RNF212: variants seen among roughly 807,000 people sequenced by gnomAD.
RNF212 encodes probable E3 SUMO-protein ligase RNF212.
RNF212 carries 33 observed loss-of-function variants against 34.7 expected under a neutral mutation model. That is an observed-to-expected ratio of 0.95 (90% CI 0.72 to 1.27). RNF212 has a LOEUF of 1.27. Among genes scored for constraint, RNF212 ranks in the 50% most tolerant of loss-of-function variants. The pLI is 0.00. For missense variants in RNF212, 377 were observed against 362.2 expected (o/e 1.04, Z -0.33); for synonymous variants, 140 against 136.1 (o/e 1.03, Z -0.20).
chr4:1,110,843 G>A (rs577806226), intron 1 of RNF212, among the ~76,000 whole-genome samples: 8 of 152,204 alleles, frequency 5.3e-5, no homozygotes, highest in Middle Eastern at 6.8e-3. Context: ...GTGTGGTCCC[G>A]ACATGCAGCA....
At chr4:1,101,247 C>A in intron 2 of RNF212, 1 of 328,640 alleles carries the variant, frequency 3.0e-6, no homozygotes, top group South Asian at 3.3e-5. Flanking sequence ...TCTTCCTCTT[C>A]AAGTTATATC....
At chr4:1,104,551 G>A (rs1368765450) in intron 2 of RNF212, among the ~76,000 whole-genome samples, 1 of 152,194 alleles carries the variant, frequency 6.6e-6, no homozygotes, top group Non-Finnish European at 1.5e-5. Flanking sequence ...GAAGGTAGGT[G>A]GGGAGAATGA....
chr4:1,081,667 TC>T lies in RNF212; in HGVS notation c.363-49del, dbSNP rs1184468610. 18 of 1,312,212 alleles carry T rather than the reference TC, an allele frequency of 1.4e-5. No individual in the cohort carries two copies. The Admixed American group carries it at 1.9e-4, about 14-fold the overall frequency. 81.3% of individuals were successfully genotyped at this position (1,312,212 alleles called of 1,614,324 possible). On this transcript the variant is annotated intron_variant, in intron 5 of 9. Transcript: ENST00000433731. Reference sequence around the variant, plus strand: ...TTGAATTAAATCATAAAAACTGACTTCCCCCCAGGTCATCCCAACTGAAAGT... The same window carrying T: ...TTGAATTAAATCATAAAAACTGACTTCCCCCAGGTCATCCCAACTGAAAGT...
At chr4:1,073,313 AC>A in intron 9 of RNF212, 120 bp from the exon 10 acceptor site, 1 of 1,350,510 alleles carries the variant, frequency 7.4e-7, no homozygotes, top group Non-Finnish European at 9.9e-7. Flanking sequence ...AAAGCCAATT[AC>A]CAGGAAGCAA....
chr4:1,099,956 A>G (rs1322568047), intron 2 of RNF212: 1 of 443,730 alleles, frequency 2.3e-6, no homozygotes, highest in African/African-American at 2.0e-5. Flanking sequence ...ATCATCATGG[A>G]GGCTGATGCA....
chr4:1,061,413 G>A (rs910975516), intron 3 of RNF212, among the ~76,000 whole-genome samples: 1 of 152,196 alleles, frequency 6.6e-6, no homozygotes, highest in Admixed American at 6.5e-5. Flanking sequence ...GCAGGGACCA[G>A]TCAGAAAAAT....
intron 8 of RNF212, among the ~76,000 whole-genome samples, chr4:1,075,185 G>A (rs572646865): frequency 3.9e-5 from 6 of 152,284 alleles, no homozygotes; most frequent in South Asian, 4.1e-4. Flanking sequence ...TGTACGCATC[G>A]GTGTGTTCAC....
chr4:1,068,533 T>A (rs970867053), downstream of RNF212, among the ~76,000 whole-genome samples: 31 of 152,374 alleles, frequency 2.0e-4, no homozygotes, highest in African/African-American at 5.8e-4. Flanking sequence ...TTACATCTAT[T>A]TGTTATAACT....
chr4:1,082,287 T>A (rs796809058), intron 5 of RNF212, among the ~76,000 whole-genome samples: 25 of 152,338 alleles, frequency 1.6e-4, no homozygotes, highest in African/African-American at 5.8e-4. Context: ...TGCTGTGCCC[T>A]GTGACTCCCG....
chr4:1,064,585 T>G (rs1193755355), intron 3 of RNF212, among the ~76,000 whole-genome samples: 1 of 6,918 alleles, frequency 1.4e-4, no homozygotes, highest in Non-Finnish European at 3.1e-4. Context: ...TACGGCCTCT[T>G]TTGTGTGTGT....
intron 3 of RNF212, among the ~76,000 whole-genome samples, chr4:1,092,597 A>T (rs1483375614): frequency 1.3e-5 from 2 of 152,200 alleles, no homozygotes; most frequent in African/African-American, 4.8e-5. Flanking sequence ...AATAAAACAA[A>T]GTTTAAAAGG....
At chr4:1,081,288 T>G in intron 7 of RNF212, 131 bp downstream of exon 7, 1 of 768,292 alleles carries the variant, frequency 1.3e-6, no homozygotes, top group South Asian at 1.5e-5. Context: ...CCAAAATGAG[T>G]TCATGTCCAG....
rs773553181 is a variant in RNF212, at chr4:1,113,370, G to T, written c.95C>A (p.Ala32Asp). 1 of 1,585,838 alleles carries T rather than the reference G, an allele frequency of 6.3e-7. No homozygotes were observed. Among genetic ancestry groups the T allele is most frequent in the Non-Finnish European group, 8.6e-7 (1 of 1,169,558 alleles). Residue 32 changes from alanine to aspartate, a missense_variant, in exon 1 of 10, where the codon GCC (alanine) becomes GAC (aspartate). Ala to Asp is a moderately radical substitution (Grantham distance 126). Transcript: ENST00000433731. ...GAAGCCCTGACCTTTGCCGAGGCAG[G>T]CGTCGCAGTACACGTGCCCGCAGTT... The part of the protein sequence containing the change: ...LTNCGHVYCD[A>D]CLGKGKKNEC...
chr4:1,089,834 C>T (rs142148366), intron 4 of RNF212, among the ~76,000 whole-genome samples: 157 of 152,314 alleles, frequency 1.0e-3, no homozygotes, highest in Middle Eastern at 3.4e-3. Flanking sequence ...GCCTTGCTTC[C>T]CCTTTGCCTT....
chr4:1,076,743 A>T (rs1214416664), intron 8 of RNF212, among the ~76,000 whole-genome samples: 2 of 152,198 alleles, frequency 1.3e-5, no homozygotes, highest in Non-Finnish European at 2.9e-5. Flanking sequence ...ACTTTCCTTG[A>T]AATTTGCATT....
intron 8 of RNF212, among the ~76,000 whole-genome samples, chr4:1,074,657 T>C (rs1483808528): frequency 6.6e-6 from 1 of 152,158 alleles, no homozygotes; most frequent in African/African-American, 2.4e-5. Context: ...CTGCTTGGCA[T>C]GGCCCTCTGA....
intron 8 of RNF212, among the ~76,000 whole-genome samples, chr4:1,075,933 A>AT (rs1391138222): frequency 6.6e-6 from 1 of 152,098 alleles, no homozygotes; most frequent in East Asian, 1.9e-4. Context: ...AAGTGTTAGG[A>AT]TTACAGGCGT....
Position 1,073,668 on chromosome 4 carries a change from A to C in RNF212, c.511-6T>G. ...GGGCCGGCTGCTATCTCAGACTAAG[A>C]ATGCAACAAGAAAACAATGGGTAAA... On this transcript the variant is annotated splice_region_variant and splice_polypyrimidine_tract_variant and intron_variant, in intron 8 of 9. Transcript: ENST00000433731. 6.2e-7 allele frequency: 1 copy of C among 1,606,780 alleles called. No individual in the cohort carries two copies. Among genetic ancestry groups the C allele is most frequent in the Non-Finnish European group, 8.5e-7 (1 of 1,173,950 alleles).
chr4:1,077,302 AG>A (rs1329419119), intron 8 of RNF212, among the ~76,000 whole-genome samples: 1 of 152,230 alleles, frequency 6.6e-6, no homozygotes, highest in East Asian at 1.9e-4. Flanking sequence ...CCCCTCACTT[AG>A]GAACTTTGAT....
Sources: gnomAD v4.1 joint callset for allele counts (sites outside exome capture counted in the v4.1 genomes callset) on GRCh38, gnomAD v4.1.1 for gene constraint, MANE v1.5 for transcripts, NCBI Gene and HGNC (gene_info 2026-07-23, HGNC 2026-07-21) for gene names.